CLEC16A: variants seen among roughly 807,000 people sequenced by gnomAD.
CLEC16A encodes C-type lectin domain containing 16A, also known as protein CLEC16A.
Under a neutral mutation model 109.5 loss-of-function variants are expected in CLEC16A, and 51 were observed. That is an observed-to-expected ratio of 0.47 (90% CI 0.37 to 0.59). The LOEUF is 0.59. CLEC16A is among the 20% of genes least tolerant of loss of function. The pLI is 0.00. For missense variants in CLEC16A, 1,339 were observed against 1,394.0 expected (o/e 0.96, Z 0.63); for synonymous variants, 673 against 564.2 (o/e 1.19, Z -2.73).
intron 3 of CLEC16A, among the ~76,000 whole-genome samples, chr16:10,964,188 A>G (rs1347984537): frequency 6.6e-6 from 1 of 152,196 alleles, no homozygotes; most frequent in Non-Finnish European, 1.5e-5. Context: ...TGGCTCTCGC[A>G]GCCGCCGCTA....
rs528444254 is a variant in CLEC16A at position 11,045,931 on chromosome 16, T to C, written c.1816-1361T>C. Among the ~76,000 whole-genome samples, 3 of 152,296 alleles carry C rather than the reference T, an allele frequency of 2.0e-5. No individual in the cohort carries two copies. The East Asian group carries it at 5.8e-4, about 29-fold the overall frequency. On this transcript the variant is annotated intron_variant, in intron 16 of 23. Coordinates refer to ENST00000409790, the MANE Select transcript of CLEC16A (RefSeq NM_015226.3). ...ACCTTGCCAGGCTCAGATGACCCCA[T>C]CCAGCTGCAGCAGTGGACATACCCA...
chr16:11,004,878 A>G (rs1181007790), intron 11 of CLEC16A, among the ~76,000 whole-genome samples: 2 of 152,118 alleles, frequency 1.3e-5, no homozygotes, highest in African/African-American at 4.8e-5. Context: ...GCCTTTGCCA[A>G]TAAATATCAC....
intron 10 of CLEC16A, among the ~76,000 whole-genome samples, chr16:10,995,722 C>T (rs915435296): frequency 6.6e-6 from 1 of 152,142 alleles, no homozygotes; most frequent in African/African-American, 2.4e-5. Context: ...AACTGAGGCT[C>T]CTGTGGTCAG....
At chr16:11,169,765 G>A (rs2068426960) in intron 23 of CLEC16A, among the ~76,000 whole-genome samples, 1 of 152,192 alleles carries the variant, frequency 6.6e-6, no homozygotes, top group Non-Finnish European at 1.5e-5. Flanking sequence ...TTTGACAGTT[G>A]GTGTGGCCCA....
intron 19 of CLEC16A, among the ~76,000 whole-genome samples, chr16:11,116,484 G>A (rs1010516815): frequency 6.6e-6 from 1 of 152,140 alleles, no homozygotes; most frequent in African/African-American, 2.4e-5. Flanking sequence ...GACTTCGGGG[G>A]TCATGTGCTG....
At chr16:10,952,667 A>G (rs1370496562) in intron 1 of CLEC16A, among the ~76,000 whole-genome samples, 1 of 152,212 alleles carries the variant, frequency 6.6e-6, no homozygotes, top group Non-Finnish European at 1.5e-5. Context: ...ATCTCTTCCT[A>G]AAACACTGTG....
At chr16:11,123,093 T>A (rs1214893315) in intron 20 of CLEC16A, among the ~76,000 whole-genome samples, 1 of 151,978 alleles carries the variant, frequency 6.6e-6, no homozygotes, top group Admixed American at 6.6e-5. Context: ...TAGTACAGAC[T>A]GGGTTTCACC....
intron 19 of CLEC16A, among the ~76,000 whole-genome samples, chr16:11,069,198 G>A (rs993796548): frequency 6.6e-6 from 1 of 152,192 alleles, no homozygotes; most frequent in Admixed American, 6.5e-5. Context: ...TATAATCACG[G>A]CTCAGTGCAG....
intron 21 of CLEC16A, among the ~76,000 whole-genome samples, chr16:11,124,370 C>G (rs1250234744): frequency 6.6e-6 from 1 of 152,250 alleles, no homozygotes; most frequent in Non-Finnish European, 1.5e-5. Context: ...CCCAAAGTCA[C>G]ACAGGCAGAA....
intron 14 of CLEC16A, chr16:11,040,715 T>C (rs1449396408): frequency 6.6e-6 from 1 of 152,032 alleles, no homozygotes; most frequent in Non-Finnish European, 1.5e-5. Flanking sequence ...GGTTTCACTA[T>C]GTTGGCCAGA....
intron 19 of CLEC16A, among the ~76,000 whole-genome samples, chr16:11,079,748 T>C (rs1291235672): frequency 6.6e-6 from 1 of 152,250 alleles, no homozygotes; most frequent in Non-Finnish European, 1.5e-5. Context: ...AGCCTTTAAC[T>C]GGTTTCTCAT....
intron 22 of CLEC16A, among the ~76,000 whole-genome samples, chr16:11,130,680 C>T (rs1225520642): frequency 6.6e-6 from 1 of 152,296 alleles, no homozygotes; most frequent in Admixed American, 6.5e-5. Context: ...GGTGCTGGGG[C>T]GTGACCACTT....
At chr16:11,133,748 T>G (rs578084230) in intron 22 of CLEC16A, among the ~76,000 whole-genome samples, 3 of 151,916 alleles carry the variant, frequency 2.0e-5, no homozygotes, top group Non-Finnish European at 4.4e-5. Context: ...ATTATAAAAC[T>G]GGAGCCAGTT....
intron 13 of CLEC16A, among the ~76,000 whole-genome samples, chr16:11,038,499 C>G (rs1283924801): frequency 6.6e-6 from 1 of 152,186 alleles, no homozygotes; most frequent in Non-Finnish European, 1.5e-5. Context: ...AGGAACTGTT[C>G]TAGTAGCCCT....
At chr16:11,120,004 C>T (rs2052285152) in intron 19 of CLEC16A, among the ~76,000 whole-genome samples, 1 of 151,812 alleles carries the variant, frequency 6.6e-6, no homozygotes, top group Admixed American at 6.6e-5. Flanking sequence ...GAGTTTTGCT[C>T]TTATTGCCCA....
rs192627479 is a variant in CLEC16A at position 10,982,904 on chromosome 16, G to A, written c.984G>A (p.Pro328=). The A allele has an allele frequency of 5.4e-5, 87 of 1,607,972 alleles. No homozygotes were observed. Among genetic ancestry groups the A allele is most frequent in the African/African-American group, 1.7e-4 (13 of 74,876 alleles). The change falls in exon 10 of 24, where the codon CCG becomes CCA. Residue 328 remains proline (P), a synonymous_variant. Transcript: ENST00000409790. ...SQVFLIIHHA[P]LVNSLAEVIL... is the part of the protein sequence containing the mutation. ...TCTTCTTAATTATACATCATGCACC[G>A]CTGGTGAACTCGTTAGCTGAAGTCA...
At chr16:11,128,518 C>T (rs1252043366) in intron 22 of CLEC16A, among the ~76,000 whole-genome samples, 1 of 152,194 alleles carries the variant, frequency 6.6e-6, no homozygotes, top group Non-Finnish European at 1.5e-5. Flanking sequence ...GGCTGTGTCT[C>T]CCCTGACTGC....
chr16:11,027,214 C>G (rs7197422), intron 13 of CLEC16A: 616,071 of 1,428,130 alleles, frequency 0.43, 135,892 homozygotes, highest in African/African-American at 0.67. Context: ...CAGCAGAAAC[C>G]TGACAAGGTG....
intron 19 of CLEC16A, among the ~76,000 whole-genome samples, chr16:11,090,461 C>T (rs1013385546): frequency 6.6e-6 from 1 of 152,130 alleles, no homozygotes; most frequent in Non-Finnish European, 1.5e-5. Flanking sequence ...CCTCAGGCAG[C>T]GGAGTGATGT....
Sources: gnomAD v4.1 joint callset for allele counts (sites outside exome capture counted in the v4.1 genomes callset) on GRCh38, gnomAD v4.1.1 for gene constraint, MANE v1.5 for transcripts, NCBI Gene and HGNC (gene_info 2026-07-23, HGNC 2026-07-21) for gene names.